Variants in AKAP6 observed in about 807,000 individuals in gnomAD.
The protein encoded by AKAP6 is A-kinase anchor protein 6.
Under a neutral mutation model 188.5 loss-of-function variants are expected in AKAP6, and 58 were observed. The observed-to-expected ratio is 0.31, with a 90% CI of 0.25 to 0.38. The LOEUF is 0.38. AKAP6 is among the 10% of genes least tolerant of loss of function. AKAP6 has a pLI of 1.00. For synonymous variants in AKAP6, 989 were observed against 998.6 expected, an observed-to-expected ratio of 0.99 and a Z score of 0.18; for missense variants, 2,710 against 2,740.0, an observed-to-expected ratio of 0.99 and a Z score of 0.24.
At chr14:32,430,525 T>C (rs1195289290) in intron 1 of AKAP6, among the ~76,000 whole-genome samples, 1 of 152,190 alleles carries the variant, frequency 6.6e-6, no homozygotes, top group Admixed American at 6.5e-5. Flanking sequence ...GTTTTTTCAG[T>C]TGTGCAGGGC....
rs2034855030 is a variant in AKAP6 at position 32,834,542 on chromosome 14, T to TTTTTTTTTTTTG, written c.*4748_*4749insGTTTTTTTTTTT. ...CTTTTAGTTTCCAAGTCTTTTTTTT[T>TTTTTTTTTTTTG]TTTTTTTTTTTTAAATCTTGCATAG... is the stretch of plus-strand genomic sequence containing the variant. On this transcript the variant is annotated 3_prime_UTR_variant, in exon 14 of 14. Coordinates refer to ENST00000280979, the MANE Select transcript of AKAP6 (RefSeq NM_004274.5). 6.7e-6 allele frequency: 1 copy of TTTTTTTTTTTTG among 149,998 alleles called. No individual in the cohort carries two copies. The highest frequency in any genetic ancestry group is 1.5e-5 in the Non-Finnish European group (1 of 67,520). The allele number at this position is 149,998 out of a possible 1,614,324, so 9.3% of individuals were successfully genotyped here.
In AKAP6 at chr14:32,506,597, C is replaced by T. The variant is rs549489812; in HGVS notation, c.325-28957C>T. 6.6e-5 allele frequency among the ~76,000 whole-genome samples: 10 copies of T among 150,640 alleles called. No individual in the cohort carries two copies. In the East Asian group the frequency reaches 1.6e-3, roughly 25 times the overall value. The stretch of plus-strand genomic sequence containing the variant: ...ATGGCTCACACCTGTAATCCCAATA[C>T]TTTGGGAAGTCGAGGCAGGAGGATT... On this transcript the variant is annotated intron_variant, in intron 2 of 13. Coordinates refer to ENST00000280979, the MANE Select transcript of AKAP6 (RefSeq NM_004274.5).
intron 2 of AKAP6, chr14:32,442,546 G>A (rs944958558): frequency 1.3e-5 from 2 of 151,900 alleles, no homozygotes; most frequent in Non-Finnish European, 2.9e-5. Context: ...TGGAAATGGA[G>A]CAGGTCAAAA....
intron 12 of AKAP6, among the ~76,000 whole-genome samples, chr14:32,779,831 A>G (rs2033186779): frequency 6.6e-6 from 1 of 152,158 alleles, no homozygotes; most frequent in Non-Finnish European, 1.5e-5. Context: ...AAAACACTCT[A>G]TCCAAGGCTT....
At chr14:32,480,929 C>T (rs966594805) in intron 2 of AKAP6, among the ~76,000 whole-genome samples, 10 of 152,082 alleles carry the variant, frequency 6.6e-5, no homozygotes, top group African/African-American at 2.2e-4. Flanking sequence ...ATATTTCTTT[C>T]TGATGTATAA....
At chr14:32,782,600 G>T (rs2033286261) in intron 12 of AKAP6, among the ~76,000 whole-genome samples, 1 of 151,888 alleles carries the variant, frequency 6.6e-6, no homozygotes, top group Admixed American at 6.6e-5. Flanking sequence ...TTATATTCTA[G>T]ATATTACTGA....
At chr14:32,685,910 C>A (rs1303559885) in intron 8 of AKAP6, among the ~76,000 whole-genome samples, 6 of 151,986 alleles carry the variant, frequency 3.9e-5, no homozygotes, top group Non-Finnish European at 8.8e-5. Context: ...ATAGGGCTAC[C>A]ATACAATCCA....
At chr14:32,510,492 A>ATATATATATACATATATATATATG (rs1566547071) in intron 2 of AKAP6, among the ~76,000 whole-genome samples, 8 of 113,410 alleles carry the variant, frequency 7.1e-5, no homozygotes, top group African/African-American at 2.7e-4. Flanking sequence ...ATATATGTGT[A>ATATATATATACATATATATATATG]TATATATATA....
intron 1 of AKAP6, among the ~76,000 whole-genome samples, chr14:32,365,405 G>A (rs1423234071): frequency 6.6e-6 from 1 of 152,076 alleles, no homozygotes; most frequent in Non-Finnish European, 1.5e-5. Context: ...GGTGTCTGAT[G>A]TCTCACCAGG....
intron 12 of AKAP6, among the ~76,000 whole-genome samples, chr14:32,784,248 T>A (rs988210366): frequency 5.9e-5 from 9 of 152,172 alleles, no homozygotes; most frequent in African/African-American, 1.7e-4. Flanking sequence ...GCATTTCCTA[T>A]AAGTCCATGG....
intron 4 of AKAP6, among the ~76,000 whole-genome samples, chr14:32,560,418 CA>C (rs146174300): frequency 0.053 from 8,107 of 152,164 alleles, 258 homozygotes; most frequent in Middle Eastern, 0.061. Context: ...GTAGAGCTTT[CA>C]ATGGGTCTTG....
intron 3 of AKAP6, among the ~76,000 whole-genome samples, chr14:32,539,588 G>A (rs1455814954): frequency 6.6e-6 from 1 of 152,096 alleles, no homozygotes; most frequent in Non-Finnish European, 1.5e-5. Flanking sequence ...CATAATTTCA[G>A]TTTGATAAAC....
intron 7 of AKAP6, among the ~76,000 whole-genome samples, chr14:32,671,505 T>TA (rs1438110133): frequency 2.2e-4 from 34 of 151,920 alleles, no homozygotes; most frequent in African/African-American, 7.7e-4. Flanking sequence ...TTTTTTTTTT[T>TA]ACCGATGGAA....
intron 2 of AKAP6, among the ~76,000 whole-genome samples, chr14:32,447,547 T>G (rs1215725092): frequency 6.6e-6 from 1 of 152,166 alleles, no homozygotes; most frequent in Non-Finnish European, 1.5e-5. Flanking sequence ...AGAGCAAAAT[T>G]TGACATTTTT....
chr14:32,521,948 G>C lies in AKAP6; in HGVS notation c.325-13606G>C, dbSNP rs1317944625. Among the ~76,000 whole-genome samples the C allele has an allele frequency of 8.5e-5, 13 of 152,186 alleles. No individual in the cohort carries two copies. In the East Asian group the frequency reaches 1.4e-3, roughly 16 times the overall value. ...ACCTGACTTCAAACTATACTACAAG[G>C]CTACAGTAACCAAAACAGCATGGTA... On this transcript the variant is annotated intron_variant, in intron 2 of 13. Coordinates refer to ENST00000280979, the MANE Select transcript of AKAP6 (RefSeq NM_004274.5).
rs760844600 is a variant in AKAP6, at chr14:32,546,438, G to A, written c.1785G>A (p.Val595=). 1 of 1,614,130 alleles carries A rather than the reference G, an allele frequency of 6.2e-7. No homozygotes were observed. Among genetic ancestry groups the A allele is most frequent in the Non-Finnish European group, 8.5e-7 (1 of 1,180,022 alleles). Residue 595 remains valine (V), a synonymous_variant, in exon 4 of 14, where the codon GTG becomes GTA. Coordinates refer to ENST00000280979, the MANE Select transcript of AKAP6 (RefSeq NM_004274.5). ...GCTCAGACAACATCATGTCTCCGGT[G>A]CCACTTCTTTCAAAACACAAAAGCA... ...SVGSDNIMSP[V]PLLSKHKSKK... is the part of the protein sequence containing the mutation.
At position 32,792,500 on chromosome 14, in the gene AKAP6, A is replaced by G. The variant is rs147214648; in HGVS notation, c.3588+18607A>G. 4.7e-3 allele frequency among the ~76,000 whole-genome samples: 718 copies of G among 152,318 alleles called. 6 individuals carry two copies. Among genetic ancestry groups the G allele is most frequent in the African/African-American group, 0.016 (662 of 41,574 alleles). ...TGAGACTTTGTTGAAGCTGCTTATC[A>G]GCTTAAGCAGTTTTTGGGCTGAGAC... On this transcript the variant is annotated intron_variant, in intron 12 of 13. Coordinates refer to ENST00000280979, the MANE Select transcript of AKAP6 (RefSeq NM_004274.5).
intron 5 of AKAP6, among the ~76,000 whole-genome samples, chr14:32,587,941 G>A (rs545400372): frequency 6.6e-6 from 1 of 152,324 alleles, no homozygotes; most frequent in East Asian, 1.9e-4. Flanking sequence ...TACAAGTACA[G>A]TGAGTATCAG....
At chr14:32,510,447 T>C (rs1566546781) in intron 2 of AKAP6, among the ~76,000 whole-genome samples, 4 of 22,002 alleles carry the variant, frequency 1.8e-4, no homozygotes, top group East Asian at 1.7e-3. Context: ...TGTATATATA[T>C]ATACATATAT....
Sources: gnomAD v4.1 joint callset for allele counts (sites outside exome capture counted in the v4.1 genomes callset) on GRCh38, gnomAD v4.1.1 for gene constraint, MANE v1.5 for transcripts, NCBI Gene and HGNC (gene_info 2026-07-23, HGNC 2026-07-21) for gene names.